Variants in RAPGEF5 observed in about 807,000 individuals in gnomAD.
RAPGEF5 encodes the protein Rap guanine nucleotide exchange factor 5, also known as M-Ras-regulated GEF.
RAPGEF5 carries 65 observed loss-of-function variants against 125.2 expected under a neutral mutation model. That is an observed-to-expected ratio of 0.52 (90% CI 0.43 to 0.64). RAPGEF5 has a LOEUF of 0.64. Among genes scored for constraint, RAPGEF5 ranks in the 30% least tolerant of loss-of-function variants. The probability of loss-of-function intolerance (pLI) is 0.00; values close to 1 mark genes in which losing one functional copy is unlikely to be tolerated. For missense variants in RAPGEF5, 958 were observed against 1,048.1 expected, an observed-to-expected ratio of 0.91 and a Z score of 1.19; for synonymous variants, 391 against 385.9, an observed-to-expected ratio of 1.01 and a Z score of -0.16.
At chr7:22,291,947 A>C (rs972903676) in intron 5 of RAPGEF5, among the ~76,000 whole-genome samples, 1 of 152,252 alleles carries the variant, frequency 6.6e-6, no homozygotes, top group Non-Finnish European at 1.5e-5. Flanking sequence ...AGACAAAATT[A>C]TCTACTTCTT....
chr7:22,195,051 A>G (rs1583471657), intron 9 of RAPGEF5, among the ~76,000 whole-genome samples: 1 of 152,256 alleles, frequency 6.6e-6, no homozygotes, highest in East Asian at 1.9e-4. Context: ...GACAGTAAGT[A>G]GGTTTCACCT....
chr7:22,350,679 G>A (rs1784314727), intron 1 of RAPGEF5, among the ~76,000 whole-genome samples: 1 of 152,196 alleles, frequency 6.6e-6, no homozygotes. Flanking sequence ...TGTCACCAAA[G>A]TGTGGGGGTT....
intron 6 of RAPGEF5, among the ~76,000 whole-genome samples, chr7:22,282,437 A>T (rs970419231): frequency 6.6e-6 from 1 of 152,192 alleles, no homozygotes; most frequent in African/African-American, 2.4e-5. Context: ...AAATCCTTCA[A>T]ATTAGGAGAG....
chr7:22,341,652 G>T (rs540464650), intron 1 of RAPGEF5, among the ~76,000 whole-genome samples: 1 of 152,204 alleles, frequency 6.6e-6, no homozygotes, highest in East Asian at 1.9e-4. Flanking sequence ...TGGGAGAATT[G>T]GCCAAAACAA....
chr7:22,235,460 C>A (rs1786163090), intron 7 of RAPGEF5, among the ~76,000 whole-genome samples: 1 of 152,182 alleles, frequency 6.6e-6, no homozygotes, highest in African/African-American at 2.4e-5. Context: ...TCACATGGAT[C>A]CTGACCAGGG....
chr7:22,322,103 A>G (rs1416449618), intron 1 of RAPGEF5, among the ~76,000 whole-genome samples: 1 of 149,358 alleles, frequency 6.7e-6, no homozygotes, highest in East Asian at 2.0e-4. Context: ...TGTGCCGGAG[A>G]CTACACCAAG....
intron 16 of RAPGEF5, 134 bp downstream of exon 16, chr7:22,156,675 CT>C: frequency 7.3e-7 from 1 of 1,363,908 alleles, no homozygotes; most frequent in Non-Finnish European, 9.9e-7. Context: ...AAAAACCATG[CT>C]GTTTGAGGCT....
chr7:22,253,831 A>T (rs184800296), intron 7 of RAPGEF5, among the ~76,000 whole-genome samples: 29 of 152,330 alleles, frequency 1.9e-4, no homozygotes, highest in Admixed American at 1.7e-3. Context: ...GCATTCTCCT[A>T]AATATTAGCT....
At chr7:22,151,478 T>G (rs1297346955) in intron 17 of RAPGEF5, among the ~76,000 whole-genome samples, 2 of 123,530 alleles carry the variant, frequency 1.6e-5, no homozygotes, top group Non-Finnish European at 3.6e-5. Context: ...TTTTTTTTTT[T>G]TGAGACAGAG....
At chr7:22,220,220 G>A in intron 8 of RAPGEF5, 1 of 477,988 alleles carries the variant, frequency 2.1e-6, no homozygotes, top group Non-Finnish European at 3.7e-6. Flanking sequence ...CTTTAAGAGG[G>A]TGAAGGACAG....
At chr7:22,154,289 G>A (rs1201446609) in intron 17 of RAPGEF5, among the ~76,000 whole-genome samples, 166 bp downstream of exon 17, 1 of 152,172 alleles carries the variant, frequency 6.6e-6, no homozygotes, top group Admixed American at 6.6e-5. Context: ...GTACCCAACT[G>A]TTGTCATGGA....
intron 1 of RAPGEF5, among the ~76,000 whole-genome samples, chr7:22,334,476 CAA>C (rs1783988824): frequency 6.6e-6 from 1 of 152,078 alleles, no homozygotes; most frequent in East Asian, 1.9e-4. Flanking sequence ...AGAACTGAAA[CAA>C]AGTCCTTGAA....
At chr7:22,259,233 C>T (rs1044214752) in intron 7 of RAPGEF5, among the ~76,000 whole-genome samples, 3 of 152,182 alleles carry the variant, frequency 2.0e-5, no homozygotes, top group Admixed American at 6.5e-5. Context: ...ATACAATAAG[C>T]ACATGAAAAG....
At chr7:22,133,599 C>T (rs1043208096) in intron 23 of RAPGEF5, among the ~76,000 whole-genome samples, 4 of 152,122 alleles carry the variant, frequency 2.6e-5, no homozygotes, top group Non-Finnish European at 5.9e-5. Flanking sequence ...CATTCCTTCC[C>T]TTCAGAGACC....
At chr7:22,255,307 A>C (rs1360536848) in intron 7 of RAPGEF5, among the ~76,000 whole-genome samples, 1 of 152,214 alleles carries the variant, frequency 6.6e-6, no homozygotes, top group East Asian at 1.9e-4. Flanking sequence ...ACAATAAGCT[A>C]GCTGGGCACC....
At chr7:22,146,800 T>C in intron 19 of RAPGEF5, 97 bp downstream of exon 19, 3 of 1,388,860 alleles carry the variant, frequency 2.2e-6, no homozygotes, top group Admixed American at 2.9e-5. Flanking sequence ...GACCACGTTA[T>C]TCTAGCATAA....
rs1783068404 is a variant in RAPGEF5, at chr7:22,136,030, A to T, written c.2416+8T>A. ...AATTACATGGCATAAAAGATAGAAA[A>T]TCATTACCTTTAAGCAATAAGGGCA... On this transcript the variant is annotated splice_region_variant and intron_variant, in intron 23 of 25. Transcript: ENST00000665637. The T allele has an allele frequency of 2.5e-6, 4 of 1,580,302 alleles. No homozygotes were observed. In the South Asian group the frequency reaches 4.5e-5, roughly 18 times the overall value.
chr7:22,251,799 A>AAAAAAAAAT (rs1562489273), intron 7 of RAPGEF5, among the ~76,000 whole-genome samples: 5 of 149,690 alleles, frequency 3.3e-5, no homozygotes, highest in African/African-American at 7.4e-5. Flanking sequence ...AAAAAAAAAA[A>AAAAAAAAAT]GTGGAGGTGC....
intron 7 of RAPGEF5, among the ~76,000 whole-genome samples, chr7:22,259,819 C>T (rs1202514703): frequency 2.0e-5 from 3 of 152,174 alleles, no homozygotes; most frequent in Non-Finnish European, 4.4e-5. Context: ...ATGGTTGTCT[C>T]GAACTCCTGA....
Sources: gnomAD v4.1 joint callset for allele counts (sites outside exome capture counted in the v4.1 genomes callset) on GRCh38, gnomAD v4.1.1 for gene constraint, MANE v1.5 for transcripts, NCBI Gene and HGNC (gene_info 2026-07-23, HGNC 2026-07-21) for gene names.